The following RTN4RL1 variants were observed in gnomAD, a reference collection of about 807,000 sequenced individuals.
RTN4RL1 encodes reticulon 4 receptor like 1.
RTN4RL1 carries 7 observed loss-of-function variants against 25.6 expected under a neutral mutation model. The observed-to-expected ratio is 0.27, with a 90% CI of 0.16 to 0.51. The LOEUF is 0.51. Among genes scored for constraint, RTN4RL1 ranks in the 20% least tolerant of loss-of-function variants. The pLI is 0.97. For synonymous variants in RTN4RL1, 297 were observed against 288.2 expected, an observed-to-expected ratio of 1.03 and a Z score of -0.31; for missense variants, 500 against 615.6, an observed-to-expected ratio of 0.81 and a Z score of 1.99.
chr17:1,959,474 C>T (rs6503107), intron 1 of RTN4RL1, among the ~76,000 whole-genome samples: 132,588 of 152,018 alleles, frequency 0.87, 58,046 homozygotes, highest in Middle Eastern at 0.92. Flanking sequence ...TGACCACATA[C>T]ACCTAAATCC....
chr17:2,025,212 C>G lies in RTN4RL1; in HGVS notation c.-347G>C, dbSNP rs2067256024. On this transcript the variant is annotated 5_prime_UTR_variant, in exon 1 of 2. Transcript: ENST00000331238. The surrounding 1 kb of genome is among the most constrained non-coding windows in gnomAD (Gnocchi z 4.8). ...GGGACGCCGCCCCCTGGCCGGCCGG[C>G]CGCAGCCCCCTCCTCTCCGCCCCCT... 1 of 208,436 alleles carries G rather than the reference C, an allele frequency of 4.8e-6. No individual in the cohort carries two copies. Among genetic ancestry groups the G allele is most frequent in the Non-Finnish European group, 9.5e-6 (1 of 104,766 alleles). 12.9% of individuals were successfully genotyped at this position (208,436 alleles called of 1,614,324 possible). A position where few individuals can be genotyped will look rare whatever the true frequency, so the allele number is the denominator to read the frequency against.
chr17:2,007,316 C>G (rs987814916), intron 1 of RTN4RL1, among the ~76,000 whole-genome samples: 1 of 144,974 alleles, frequency 6.9e-6, no homozygotes, highest in Non-Finnish European at 1.5e-5. Flanking sequence ...CACTGCAGAC[C>G]TAGGCCATGT....
Position 1,936,872 on chromosome 17 carries a change from G to C in RTN4RL1, c.950C>G (p.Thr317Arg). The C allele has an allele frequency of 1.3e-6, 2 of 1,598,492 alleles. No individual in the cohort carries two copies. The highest frequency in any genetic ancestry group is 1.7e-6 in the Non-Finnish European group (2 of 1,172,432). ...PASPHQIKSH[T>R]LTTTDRAARK... ...GGCGGCCCTGTCGGTGGTGGTGAGCGTGTGTGACTTGATCTGGTGCGGGGA... is the reference window on the plus strand; with the variant it reads ...GGCGGCCCTGTCGGTGGTGGTGAGCCTGTGTGACTTGATCTGGTGCGGGGA... Residue 317 changes from threonine (T) to arginine (R), a missense_variant, in exon 2 of 2, where the codon ACG becomes AGG. Around this residue, in one of 2 missense-constraint regions of RTN4RL1, gnomAD observed 268 missense variants for 274.5 expected, o/e 0.98. Transcript: ENST00000331238.
chr17:1,944,389 GCCT>G (rs1915495159), intron 1 of RTN4RL1, among the ~76,000 whole-genome samples: 1 of 152,122 alleles, frequency 6.6e-6, no homozygotes, highest in African/African-American at 2.4e-5. Context: ...TCCCCCACAA[GCCT>G]CCTCCACTCG....
At chr17:1,973,095 G>A (rs567660529) in intron 1 of RTN4RL1, among the ~76,000 whole-genome samples, 1 of 152,298 alleles carries the variant, frequency 6.6e-6, no homozygotes, top group African/African-American at 2.4e-5. Context: ...GGGCACGGCG[G>A]CTCATGCCTG....
At position 1,937,739 on chromosome 17, in the gene RTN4RL1, T is replaced by TCCCGTGGGCAGCCACCA. The variant is rs1915342524; in HGVS notation, c.66_82dup (p.Asp28ValfsTer15). 6.2e-7 allele frequency: 1 copy of TCCCGTGGGCAGCCACCA among 1,608,618 alleles called. No homozygotes were observed. Among genetic ancestry groups the TCCCGTGGGCAGCCACCA allele is most frequent in the Non-Finnish European group, 8.5e-7 (1 of 1,179,584 alleles). ...CATGGGCGCCGGGTAGCACACACAGTCCCGTGGGCAGCCACCACCCAGGGG... is the reference window on the plus strand; with the variant it reads ...CATGGGCGCCGGGTAGCACACACAGTCCCGTGGGCAGCCACCACCCGTGGGCAGCCACCACCCAGGGG... On this transcript the variant is annotated frameshift_variant, in exon 2 of 2. Transcript: ENST00000331238. LOFTEE classifies it high-confidence loss of function.
chr17:1,988,422 GA>G (rs1295626781), intron 1 of RTN4RL1, among the ~76,000 whole-genome samples: 2 of 89,670 alleles, frequency 2.2e-5, no homozygotes, highest in African/African-American at 4.1e-5. Flanking sequence ...AAAAAAAAAA[GA>G]AAAGAAAAGA....
intron 1 of RTN4RL1, among the ~76,000 whole-genome samples, chr17:1,984,312 G>A (rs1443242162): frequency 1.3e-5 from 2 of 152,240 alleles, no homozygotes; most frequent in African/African-American, 2.4e-5. Context: ...AGCTTGGCGT[G>A]AAGGTGACAC....
chr17:1,960,190 C>T (rs1915867904), intron 1 of RTN4RL1, among the ~76,000 whole-genome samples: 1 of 148,102 alleles, frequency 6.8e-6, no homozygotes, highest in Admixed American at 6.8e-5. Context: ...CCGCCCCCAC[C>T]ACCCCCACCC....
At chr17:1,991,462 A>C (rs974580374) in intron 1 of RTN4RL1, among the ~76,000 whole-genome samples, 2 of 122,090 alleles carry the variant, frequency 1.6e-5, no homozygotes, top group African/African-American at 6.6e-5. Flanking sequence ...AAAAAAAAAA[A>C]ACAAAAAAAA....
At chr17:1,969,311 C>T (rs560311599) in intron 1 of RTN4RL1, among the ~76,000 whole-genome samples, 28 of 152,206 alleles carry the variant, frequency 1.8e-4, no homozygotes, top group Non-Finnish European at 3.7e-4. Flanking sequence ...CCCGCCTCGG[C>T]CTCCCAAAGT....
At chr17:2,021,036 C>T (rs576950665) in intron 1 of RTN4RL1, among the ~76,000 whole-genome samples, 20 of 152,276 alleles carry the variant, frequency 1.3e-4, no homozygotes, top group South Asian at 1.2e-3. Flanking sequence ...GGCTAGGCCA[C>T]GAGATGGAGA....
intron 1 of RTN4RL1, among the ~76,000 whole-genome samples, chr17:1,967,647 T>C (rs542730919): frequency 7.2e-6 from 1 of 139,534 alleles, no homozygotes; most frequent in South Asian, 2.1e-4. Context: ...TCTCTCTCTT[T>C]CTTTTTTTTT....
chr17:2,023,400 TCCATA>T (rs991026736), intron 1 of RTN4RL1, among the ~76,000 whole-genome samples: 1 of 152,118 alleles, frequency 6.6e-6, no homozygotes, highest in Non-Finnish European at 1.5e-5. Flanking sequence ...CAGAAACTCT[TCCATA>T]CCACAGCGAA....
intron 1 of RTN4RL1, among the ~76,000 whole-genome samples, chr17:2,007,337 A>AC (rs1352398594): frequency 4.2e-4 from 59 of 140,402 alleles, no homozygotes; most frequent in South Asian, 1.9e-3. Context: ...TCACAGCCCC[A>AC]ACACACACAC....
intron 1 of RTN4RL1, among the ~76,000 whole-genome samples, chr17:1,984,382 C>T (rs1036750740): frequency 1.3e-5 from 2 of 152,106 alleles, no homozygotes; most frequent in African/African-American, 4.8e-5. Context: ...TCATTCTTTC[C>T]AGACAGGGTC....
intron 1 of RTN4RL1, among the ~76,000 whole-genome samples, chr17:1,977,619 G>T (rs1164337676): frequency 1.3e-5 from 2 of 152,188 alleles, no homozygotes; most frequent in African/African-American, 4.8e-5. Flanking sequence ...GGGGCCTGGG[G>T]CTGGGGGAGG....
intron 1 of RTN4RL1, among the ~76,000 whole-genome samples, chr17:1,949,105 T>C (rs1027661767): frequency 6.6e-6 from 1 of 152,104 alleles, no homozygotes; most frequent in South Asian, 2.1e-4. Context: ...TACAGGCGCC[T>C]GCCACGACAC....
At chr17:1,943,715 A>T (rs938123618) in intron 1 of RTN4RL1, among the ~76,000 whole-genome samples, 3 of 152,162 alleles carry the variant, frequency 2.0e-5, no homozygotes, top group African/African-American at 7.2e-5. Context: ...AGCACAGGCC[A>T]CTTCCTGGTG....
Sources: allele counts gnomAD v4.1 joint callset (sites outside exome capture counted in the v4.1 genomes callset), GRCh38; gene constraint gnomAD v4.1.1; regional missense constraint gnomAD v4.1.1; non-coding constraint Gnocchi (gnomAD v3.1); transcripts MANE v1.5; gene names NCBI Gene and HGNC (gene_info 2026-07-23, HGNC 2026-07-21).